The following KDM8 variants were observed in gnomAD, a reference collection of about 807,000 sequenced individuals.
KDM8 encodes lysine demethylase 8.
A neutral mutation model predicts 46.9 loss-of-function variants in KDM8; 35 were observed. The ratio of observed to expected loss-of-function variants is 0.75; its 90% CI spans 0.57 to 0.99. The LOEUF is 0.99. Ranked by LOEUF, KDM8 falls within the 50% of genes least tolerant of loss-of-function variation. KDM8 has a pLI of 0.00. For missense variants in KDM8, 475 were observed against 537.0 expected, an observed-to-expected ratio of 0.88 and a Z score of 1.14; for synonymous variants, 232 against 227.7, an observed-to-expected ratio of 1.02 and a Z score of -0.17.
Position 27,210,373 on chromosome 16 carries a change from T to A in KDM8, c.250T>A (p.Trp84Arg). 1 of 1,613,376 alleles carries A rather than the reference T, an allele frequency of 6.2e-7. No individual in the cohort carries two copies. The highest frequency in any genetic ancestry group is 8.5e-7 in the Non-Finnish European group (1 of 1,179,994). ...YSWEKLNTGT[W>R]QDVDKDWRRV... ...CTGGGAGAAGCTCAACACGGGCACA[T>A]GGCAGGACGTAGACAAAGACTGGCG... is the stretch of plus-strand genomic sequence containing the variant. Residue 84 changes from tryptophan to arginine, a missense_variant, in exon 2 of 8, where the codon TGG becomes AGG. By Grantham distance (101) the Trp-to-Arg change is moderately radical. Transcript: ENST00000286096.
At position 27,210,412 on chromosome 16, in the gene KDM8, A is replaced by G. The variant is rs117905412; in HGVS notation, c.289A>G (p.Ile97Val). Residue 97 changes from isoleucine to valine, a missense_variant, in exon 2 of 8, where the codon ATC becomes GTC. Transcript: ENST00000286096. ...VDKDWRRVYA[I>V]GCLLKALCLC... is the part of the protein sequence containing the mutation. ...CAAAGACTGGCGCCGGGTCTACGCCATCGGCTGCCTCCTGAAAGCCCTGTG... is the reference window on the plus strand; with the variant it reads ...CAAAGACTGGCGCCGGGTCTACGCCGTCGGCTGCCTCCTGAAAGCCCTGTG... 8.2e-3 allele frequency: 13,130 copies of G among 1,608,426 alleles called. 81 individuals are homozygous for G. Among genetic ancestry groups the G allele is most frequent in the Non-Finnish European group, 9.8e-3 (11,581 of 1,175,860 alleles).
Position 27,220,792 on chromosome 16 carries a change from G to C in KDM8, c.*62G>C, listed in dbSNP as rs765802982. 18 of 1,582,776 alleles carry C rather than the reference G, an allele frequency of 1.1e-5. No homozygotes were observed. The highest frequency in any genetic ancestry group is 1.6e-5 in the Non-Finnish European group (18 of 1,151,850). ...GCATTCATCTGTTCACTAATTTCCT[G>C]GGTCCTGGAATCTATAGAGACAAGC... On this transcript the variant is annotated 3_prime_UTR_variant, in exon 8 of 8. Transcript: ENST00000286096.
Position 27,210,405 on chromosome 16 carries a change from C to T in KDM8, c.282C>T (p.Val94=). The change falls in exon 2 of 8, where the codon GTC becomes GTT. Residue 94 remains valine, a synonymous_variant. Transcript: ENST00000286096. ...WQDVDKDWRR[V]YAIGCLLKAL... ...ACGTAGACAAAGACTGGCGCCGGGT[C>T]TACGCCATCGGCTGCCTCCTGAAAG... The T allele has an allele frequency of 6.2e-7, 1 of 1,610,228 alleles. No homozygotes were observed. The highest frequency in any genetic ancestry group is 8.5e-7 in the Non-Finnish European group (1 of 1,177,318).
intron 6 of KDM8, among the ~76,000 whole-genome samples, chr16:27,219,607 A>G (rs2083595505): frequency 6.6e-6 from 1 of 152,126 alleles, no homozygotes; most frequent in Non-Finnish European, 1.5e-5. Context: ...AGTAAAGGAG[A>G]ACGTTCTCCT....
chr16:27,212,137 G>A (rs1397651885), intron 2 of KDM8, among the ~76,000 whole-genome samples: 1 of 152,180 alleles, frequency 6.6e-6, no homozygotes, highest in Non-Finnish European at 1.5e-5. Flanking sequence ...TTGAGCCCCA[G>A]GAGGTAGAAA....
In KDM8 at chr16:27,220,432, G is replaced by T. The variant is rs757070916; in HGVS notation, c.1033G>T (p.Glu345Ter). The T allele has an allele frequency of 6.2e-7, 1 of 1,614,132 alleles. No homozygotes were observed. Among genetic ancestry groups the T allele is most frequent in the South Asian group, 1.1e-5 (1 of 91,076 alleles). The change falls in exon 7 of 8, where the codon GAG becomes TAG. Residue 345 changes from glutamate (E) to a stop codon, truncating the protein, a stop_gained. Coordinates refer to ENST00000286096, the MANE Select transcript of KDM8 (RefSeq NM_024773.3). LOFTEE classifies it high-confidence loss of function. Reference protein sequence around the residue: ...RKYIRLYSPQESGALYPHDTH... With the variant: ...RKYIRLYSPQ ...GTACATCCGGCTGTATTCCCCGCAG[G>T]AGTCAGGGGCTCTGTACCCTCATGA... is the stretch of plus-strand genomic sequence containing the variant.
At chr16:27,207,021 A>G (rs1171038828) in intron 1 of KDM8, among the ~76,000 whole-genome samples, 1 of 152,262 alleles carries the variant, frequency 6.6e-6, no homozygotes, top group South Asian at 2.1e-4. Context: ...GGCACAATGA[A>G]GAAACCACAG....
chr16:27,211,397 T>C, intron 2 of KDM8: 1 of 343,066 alleles, frequency 2.9e-6, no homozygotes, highest in South Asian at 2.3e-5. Flanking sequence ...ACCCCTTGGG[T>C]CTATGTGCCT....
intron 1 of KDM8, 58 bp downstream of exon 1, chr16:27,203,694 C>A (rs573985902): frequency 5.5e-6 from 1 of 180,456 alleles, no homozygotes; most frequent in East Asian, 1.5e-4. Context: ...GTGGAGAGGC[C>A]GGGTTCAGAG....
At chr16:27,220,270 G>A in intron 6 of KDM8, 123 bp from the exon 7 acceptor site, 2 of 782,522 alleles carry the variant, frequency 2.6e-6, no homozygotes, top group Non-Finnish European at 4.6e-6. Context: ...ATAAGCATGT[G>A]TGTGGTGGGG....
chr16:27,219,407 C>T (rs1028065467), intron 6 of KDM8, among the ~76,000 whole-genome samples: 11 of 152,178 alleles, frequency 7.2e-5, no homozygotes, highest in East Asian at 1.9e-4. Context: ...TGCCCCTCCC[C>T]GCCTGCTACC....
chr16:27,219,405 C>G (rs2083592711), intron 6 of KDM8, among the ~76,000 whole-genome samples: 1 of 152,184 alleles, frequency 6.6e-6, no homozygotes, highest in African/African-American at 2.4e-5. Context: ...TCTGCCCCTC[C>G]CCGCCTGCTA....
In KDM8 at chr16:27,214,913, G is replaced by A; in HGVS notation, c.703G>A (p.Val235Ile). 1 of 1,614,210 alleles carries A rather than the reference G, an allele frequency of 6.2e-7. No homozygotes were observed. Among genetic ancestry groups the A allele is most frequent in the African/African-American group, 1.3e-5 (1 of 75,066 alleles). ...CCAGGAGATCGCTGGCTGCCGAACT[G>A]TCCCAGTGGAAGTTGGTTCGAGGTA... ...YIQEIAGCRT[V>I]PVEVGSRYTD... The change falls in exon 4 of 8, where the codon GTC becomes ATC. Residue 235 changes from valine to isoleucine, a missense_variant. Val to Ile is a conservative substitution (Grantham distance 29). Transcript: ENST00000286096.
rs766032337 is a variant in KDM8 at position 27,219,040 on chromosome 16, A to G, written c.923A>G (p.Asn308Ser). 7 of 1,613,944 alleles carry G rather than the reference A, an allele frequency of 4.3e-6. No homozygotes were observed. The South Asian group carries it at 5.5e-5, about 13-fold the overall frequency. The change falls in exon 6 of 8, where the codon AAT becomes AGT. Residue 308 changes from asparagine to serine, a missense_variant. Transcript: ENST00000286096. The stretch of plus-strand genomic sequence containing the variant: ...GGGGAGGAGGAGGAAATCACCATCA[A>G]TGCCTGGTTTGGTCCCCAGGGAACC... ...GDGEEEEITINAWFGPQGTIS... is the reference protein window; with the variant it reads ...GDGEEEEITISAWFGPQGTIS...
Position 27,220,664 on chromosome 16 carries a change from G to T in KDM8, c.1185G>T (p.Pro395=), listed in dbSNP as rs145297087. The change falls in exon 8 of 8, where the codon CCG becomes CCT. Residue 395 remains proline (P), a synonymous_variant. Coordinates refer to ENST00000286096, the MANE Select transcript of KDM8 (RefSeq NM_024773.3). ...ILSPGEILFI[P]VKYWHYVRAL... ...CTCCTGGAGAGATCCTGTTCATCCCGGTGAAATACTGGCATTACGTGCGGG... is the reference window on the plus strand; with the variant it reads ...CTCCTGGAGAGATCCTGTTCATCCCTGTGAAATACTGGCATTACGTGCGGG... The T allele has an allele frequency of 3.2e-5, 51 of 1,613,990 alleles. No individual in the cohort carries two copies. The African/African-American group carries it at 6.1e-4, about 19-fold the overall frequency.
chr16:27,206,298 A>T (rs1230412908), intron 1 of KDM8: 1 of 778,740 alleles, frequency 1.3e-6, no homozygotes. Flanking sequence ...GGAGGGACAG[A>T]CTCTTGCTCT....
intron 2 of KDM8, chr16:27,213,301 G>T: frequency 3.3e-6 from 1 of 303,362 alleles, no homozygotes; most frequent in Non-Finnish European, 6.3e-6. Context: ...ACCTTAAGAT[G>T]GTGAAGTTGG....
chr16:27,208,321 G>A (rs913375700), intron 1 of KDM8, among the ~76,000 whole-genome samples: 16 of 151,756 alleles, frequency 1.1e-4, no homozygotes, highest in African/African-American at 2.9e-4. Context: ...AGCCGCACAC[G>A]TGAGGCCACC....
chr16:27,205,187 G>A (rs934278372), intron 1 of KDM8, among the ~76,000 whole-genome samples: 1 of 152,096 alleles, frequency 6.6e-6, no homozygotes, highest in African/African-American at 2.4e-5. Context: ...AGTCTATTCC[G>A]GCTGTTTTAT....
Sources: allele counts gnomAD v4.1 joint callset (sites outside exome capture counted in the v4.1 genomes callset), GRCh38; gene constraint gnomAD v4.1.1; transcripts MANE v1.5; gene names NCBI Gene and HGNC (gene_info 2026-07-23, HGNC 2026-07-21).